SEMA4D: variants seen among roughly 807,000 people sequenced by gnomAD.
The protein encoded by SEMA4D is semaphorin 4D.
SEMA4D carries 22 observed loss-of-function variants against 74.8 expected under a neutral mutation model. The observed-to-expected ratio is 0.29, with a 90% confidence interval of 0.21 to 0.42. SEMA4D has a LOEUF of 0.42. Among genes scored for constraint, SEMA4D ranks in the 10% least tolerant of loss-of-function variants. The probability of loss-of-function intolerance (pLI) is 1.00; values close to 1 mark genes in which losing one functional copy is unlikely to be tolerated. For missense variants in SEMA4D, 937 were observed against 1,118.4 expected (o/e 0.84, Z 2.31); for synonymous variants, 445 against 463.7 (o/e 0.96, Z 0.52).
In SEMA4D at chr9:89,381,409, T is replaced by C; in HGVS notation, c.1447-63A>G. On this transcript the variant is annotated intron_variant, in intron 13 of 15. Coordinates refer to ENST00000422704, the MANE Select transcript of SEMA4D (RefSeq NM_001371194.2). The surrounding 1 kb of genome is among the most constrained non-coding windows in gnomAD (Gnocchi z 4.6). The stretch of plus-strand genomic sequence containing the variant: ...AGCAGGCATCCAGGAGCATGGCCTC[T>C]GCTTCTGCACCAGTGTGTGGGAAGC... 3.5e-6 allele frequency: 5 copies of C among 1,412,170 alleles called. No individual in the cohort carries two copies. In the South Asian group the frequency reaches 7.5e-5, roughly 21 times the overall value. 87.5% of individuals were successfully genotyped at this position (1,412,170 alleles called of 1,614,324 possible).
At chr9:89,420,397 G>A (rs1195871882) in intron 2 of SEMA4D, among the ~76,000 whole-genome samples, 26 of 152,184 alleles carry the variant, frequency 1.7e-4, no homozygotes, top group Non-Finnish European at 3.8e-4. Flanking sequence ...ACTCCTGACA[G>A]CACAGGTAAA....
At chr9:89,449,175 CT>C (rs1853711560) in intron 2 of SEMA4D, among the ~76,000 whole-genome samples, 1 of 152,234 alleles carries the variant, frequency 6.6e-6, no homozygotes, top group South Asian at 2.1e-4. Context: ...GTGGTGAAAC[CT>C]GGCTATTTGC....
At chr9:89,414,348 T>G (rs1306380672) in intron 2 of SEMA4D, among the ~76,000 whole-genome samples, 1 of 152,210 alleles carries the variant, frequency 6.6e-6, no homozygotes, top group African/African-American at 2.4e-5. Flanking sequence ...CTCAGGGGTT[T>G]GCCCAGATGG....
At chr9:89,425,009 T>C (rs1587791654) in intron 2 of SEMA4D, among the ~76,000 whole-genome samples, 1 of 152,114 alleles carries the variant, frequency 6.6e-6, no homozygotes. Flanking sequence ...ACTTGCTAGG[T>C]GTGCATTTTC....
intron 2 of SEMA4D, among the ~76,000 whole-genome samples, chr9:89,452,069 G>GGGTGT (rs972739195): frequency 1.3e-5 from 2 of 152,178 alleles, no homozygotes; most frequent in Admixed American, 6.5e-5. Flanking sequence ...AGTGTGTTGA[G>GGGTGT]GGTGTGGAAG....
In SEMA4D at chr9:89,480,690, A is replaced by C. The variant is rs570094493; in HGVS notation, c.-310+17229T>G. ...TAAGTCCCCCATTGCCCGGGGCCAG[A>C]AGGGCTGGCTGGCTGCTCCGAGTGC... On this transcript the variant is annotated intron_variant, in intron 1 of 15. Coordinates refer to ENST00000422704, the MANE Select transcript of SEMA4D (RefSeq NM_001371194.2). Among the ~76,000 whole-genome samples, 37 of 152,308 alleles carry C rather than the reference A, an allele frequency of 2.4e-4. No individual in the cohort carries two copies. In the East Asian group the frequency reaches 2.7e-3, roughly 11 times the overall value.
chr9:89,480,400 T>G (rs1824484415), intron 1 of SEMA4D, among the ~76,000 whole-genome samples: 2 of 152,244 alleles, frequency 1.3e-5, no homozygotes, highest in Non-Finnish European at 2.9e-5. Context: ...TGCCTGCCAG[T>G]CCTGTGCCGT....
intron 2 of SEMA4D, among the ~76,000 whole-genome samples, chr9:89,454,882 G>A (rs1418882008): frequency 6.6e-6 from 1 of 152,256 alleles, no homozygotes. Flanking sequence ...CCAGGCGTGT[G>A]CCTAGCACGG....
chr9:89,387,716 C>T, intron 11 of SEMA4D, 108 bp from the exon 12 acceptor site: 1 of 837,956 alleles, frequency 1.2e-6, no homozygotes, highest in Admixed American at 2.2e-5. Flanking sequence ...GGAAACCACA[C>T]AATGCATGCC....
intron 1 of SEMA4D, among the ~76,000 whole-genome samples, chr9:89,473,483 A>T (rs547824809): frequency 2.6e-5 from 4 of 152,294 alleles, no homozygotes; most frequent in Non-Finnish European, 5.9e-5. Flanking sequence ...CTGTGGTCCC[A>T]GCTACTCAGG....
rs1282034933 is a variant in SEMA4D, at chr9:89,371,943, TGTGTGTGGGGTGTG to T, written c.1882+4876_1882+4889del. Among the ~76,000 whole-genome samples the T allele has an allele frequency of 4.9e-4, 64 of 130,382 alleles. 1 individual carries two copies. Among genetic ancestry groups the T allele is most frequent in the South Asian group, 2.3e-3 (9 of 3,914 alleles). The allele number at this position is 130,382 out of a possible 152,430, so 85.5% of individuals were successfully genotyped here. ...GGGGTGTGGTGTGTGTGGGGTGTGG[TGTGTGTGGGGTGTG>T]GTGTGTGTGGGGTGTGGTGTGTGTC... is the stretch of plus-strand genomic sequence containing the variant. On this transcript the variant is annotated intron_variant, in intron 16 of 18. Coordinates refer to the SEMA4D transcript ENST00000339861.
exon 18 of SEMA4D, chr9:89,363,459 G>T (rs767796483): frequency 3.1e-6 from 5 of 1,613,728 alleles, no homozygotes; most frequent in Admixed American, 3.3e-5. Context: ...TGCATCATCC[G>T]GTCGTGCTCC....
intron 2 of SEMA4D, among the ~76,000 whole-genome samples, chr9:89,428,136 G>A (rs535840322): frequency 5.9e-5 from 9 of 152,178 alleles, no homozygotes; most frequent in African/African-American, 2.2e-4. Context: ...GCTGCTGTCC[G>A]TCTGACCACC....
rs140207591 is a variant in SEMA4D at position 89,481,655 on chromosome 9, A to C, written c.-310+16264T>G. 4.0e-3 allele frequency among the ~76,000 whole-genome samples: 602 copies of C among 152,340 alleles called. 4 individuals carry two copies. The highest frequency in any genetic ancestry group is 0.013 in the African/African-American group (520 of 41,592). On this transcript the variant is annotated intron_variant, in intron 1 of 15. Transcript: ENST00000422704. ...TACGTGGTGGCAAGGCAAGAGAAGA[A>C]GACCCTGGGTGAGCTCAAGCCAAAT...
chr9:89,495,789 C>T (rs1251981516), intron 1 of SEMA4D, among the ~76,000 whole-genome samples: 3 of 152,174 alleles, frequency 2.0e-5, no homozygotes, highest in Non-Finnish European at 4.4e-5. Context: ...AACCACCCTC[C>T]TGGACCCGCC....
At chr9:89,398,894 C>T (rs1224766898) in intron 5 of SEMA4D, among the ~76,000 whole-genome samples, 1 of 152,222 alleles carries the variant, frequency 6.6e-6, no homozygotes, top group Non-Finnish European at 1.5e-5. Context: ...TGACTAGCAA[C>T]TCCTCCAAGC....
At chr9:89,466,372 TCCACAA>T (rs2135835705) in intron 1 of SEMA4D, among the ~76,000 whole-genome samples, 1 of 152,264 alleles carries the variant, frequency 6.6e-6, no homozygotes, top group East Asian at 1.9e-4. Flanking sequence ...CCTCTAAGAA[TCCACAA>T]CCTTAGACAG....
chr9:89,463,122 AC>A (rs564513986), intron 1 of SEMA4D, among the ~76,000 whole-genome samples: 173 of 152,092 alleles, frequency 1.1e-3, no homozygotes, highest in South Asian at 5.4e-3. Flanking sequence ...GCATCCCAGT[AC>A]CCACTTCCAG....
At chr9:89,480,203 T>C (rs1824444251) in intron 1 of SEMA4D, among the ~76,000 whole-genome samples, 1 of 150,726 alleles carries the variant, frequency 6.6e-6, no homozygotes, top group South Asian at 2.1e-4. Flanking sequence ...GTTCTCCACG[T>C]CCTCACCAGA....
Sources: gnomAD v4.1 joint callset for allele counts (sites outside exome capture counted in the v4.1 genomes callset) on GRCh38, gnomAD v4.1.1 for gene constraint, Gnocchi (gnomAD v3.1) non-coding constraint, MANE v1.5 for transcripts, NCBI Gene and HGNC (gene_info 2026-07-23, HGNC 2026-07-21) for gene names.